The following KCNC4 variants were observed in gnomAD, a reference collection of about 807,000 sequenced individuals.
The protein encoded by KCNC4 is potassium voltage-gated channel subfamily C member 4, also known as voltage-gated potassium channel KCNC4.
KCNC4 carries 23 observed loss-of-function variants against 42.8 expected under a neutral mutation model. The observed-to-expected ratio is 0.54, with a 90% CI of 0.39 to 0.76. The LOEUF is 0.76. Ranked by LOEUF, KCNC4 falls within the 30% of genes least tolerant of loss-of-function variation. The pLI is 0.00. For missense variants in KCNC4, 751 were observed against 898.2 expected, an observed-to-expected ratio of 0.84 and a Z score of 2.10; for synonymous variants, 422 against 393.5, an observed-to-expected ratio of 1.07 and a Z score of -0.86.
chr1:110,219,538 A>G (rs1226131756), intron 1 of KCNC4, among the ~76,000 whole-genome samples: 1 of 152,122 alleles, frequency 6.6e-6, no homozygotes, highest in Non-Finnish European at 1.5e-5. Flanking sequence ...CTGTCAGCAC[A>G]GGGGCCCATG....
intron 1 of KCNC4, among the ~76,000 whole-genome samples, chr1:110,219,229 A>G (rs1657965584): frequency 6.6e-6 from 1 of 152,206 alleles, no homozygotes; most frequent in African/African-American, 2.4e-5. Context: ...TTGGCTCCAG[A>G]TTCGGCTCAC....
chr1:110,250,191 G>A (rs11102070), downstream of KCNC4, among the ~76,000 whole-genome samples: 3,925 of 151,788 alleles, frequency 0.026, 155 homozygotes, highest in African/African-American at 0.087. Context: ...ACCAGGCCTC[G>A]CACACTCATC....
At chr1:110,274,162 A>T (rs1659679821) in intron 1 of KCNC4, among the ~76,000 whole-genome samples, 1 of 152,212 alleles carries the variant, frequency 6.6e-6, no homozygotes, top group Admixed American at 6.5e-5. Context: ...CAAAATCAAC[A>T]TACAAAAATC....
At chr1:110,215,339 G>C (rs963541077) in intron 1 of KCNC4, among the ~76,000 whole-genome samples, 1 of 152,186 alleles carries the variant, frequency 6.6e-6, no homozygotes, top group Admixed American at 6.5e-5. Context: ...AGGTACGAGG[G>C]GCAGGGCAGA....
At chr1:110,254,290 C>T (rs1659295647) in intron 1 of KCNC4, among the ~76,000 whole-genome samples, 1 of 152,216 alleles carries the variant, frequency 6.6e-6, no homozygotes, top group African/African-American at 2.4e-5. Flanking sequence ...CCAGCCCCTT[C>T]TCTCTGCTCT....
intron 1 of KCNC4, 183 bp from the exon 2 acceptor site, chr1:110,222,781 G>A: frequency 1.7e-6 from 1 of 579,668 alleles, no homozygotes; most frequent in Non-Finnish European, 3.1e-6. Context: ...TTGCCCGAGA[G>A]CCCCCAAGCA....
Position 110,223,499 on chromosome 1 carries a change from T to C in KCNC4, c.1214T>C (p.Ile405Thr), listed in dbSNP as rs750297898. The change falls in exon 2 of 4, where the codon ATT (isoleucine) becomes ACT (threonine). Residue 405 changes from isoleucine (I) to threonine (T), a missense_variant. This residue lies in a region of KCNC4 where 185 missense variants were observed against 293.7 expected (regional missense o/e 0.63). Transcript: ENST00000438661. This position sits in a 1 kb window ranked among gnomAD's most constrained non-coding sequence, Gnocchi z 7.5. Reference sequence around the variant, plus strand: ...ACCATGATCTACTACGCTGAGCGCATTGGGGCCAGGCCCTCCGACCCTCGG... The same window carrying C: ...ACCATGATCTACTACGCTGAGCGCACTGGGGCCAGGCCCTCCGACCCTCGG... ...FATMIYYAER[I>T]GARPSDPRGN... 6.8e-6 allele frequency: 11 copies of C among 1,613,780 alleles called. No individual in the cohort carries two copies. The highest frequency in any genetic ancestry group is 2.2e-5 in the South Asian group (2 of 91,092).
chr1:110,232,333 G>A, intron 3 of KCNC4: 1 of 1,608,730 alleles, frequency 6.2e-7, no homozygotes, highest in Admixed American at 1.7e-5. Context: ...GCACGACATG[G>A]CATCATACTC....
intron 1 of KCNC4, among the ~76,000 whole-genome samples, chr1:110,263,424 T>C (rs971082830): frequency 6.6e-6 from 1 of 152,060 alleles, no homozygotes; most frequent in African/African-American, 2.4e-5. Flanking sequence ...TTTCCTAGGG[T>C]TGACATTTCC....
intron 1 of KCNC4, among the ~76,000 whole-genome samples, chr1:110,261,243 T>C (rs996119676): frequency 6.6e-6 from 1 of 152,236 alleles, no homozygotes; most frequent in African/African-American, 2.4e-5. Context: ...AAAAGCCATA[T>C]GCCCTTAGGG....
At chr1:110,217,611 G>A (rs145861313) in intron 1 of KCNC4, among the ~76,000 whole-genome samples, 55 of 152,294 alleles carry the variant, frequency 3.6e-4, no homozygotes, top group African/African-American at 1.1e-3. Context: ...GGACTCATCC[G>A]TTCTGGGCAA....
chr1:110,229,023 CGTTTA>C (rs1227971895), intron 3 of KCNC4: 1 of 152,228 alleles, frequency 6.6e-6, no homozygotes, highest in African/African-American at 2.4e-5. Context: ...AGCCACCAGG[CGTTTA>C]TGTGTGCACA....
At chr1:110,246,583 TCA>T (rs1659150715) in exon 4 of KCNC4, 1 of 152,284 alleles carries the variant, frequency 6.6e-6, no homozygotes, top group African/African-American at 2.4e-5. Flanking sequence ...CTTTTGGGCC[TCA>T]GTCAGTCCCT....
At chr1:110,272,524 G>A (rs2101087182) in intron 1 of KCNC4, 1 of 152,286 alleles carries the variant, frequency 6.6e-6, no homozygotes, top group Non-Finnish European at 1.5e-5. Context: ...TGAAACCAGA[G>A]CTCTTAAGGT....
chr1:110,225,925 A>C, intron 2 of KCNC4, 50 bp from the exon 3 acceptor site: 1 of 1,504,834 alleles, frequency 6.6e-7, no homozygotes, highest in Non-Finnish European at 9.0e-7. Flanking sequence ...ACCCATGAGC[A>C]AGGCTCAGGT....
In KCNC4 at chr1:110,232,259, C is replaced by T. The variant is rs761948155; in HGVS notation, c.1820-652C>T. 2.7e-5 allele frequency: 43 copies of T among 1,613,872 alleles called. No individual in the cohort carries two copies. The highest frequency in any genetic ancestry group is 1.1e-4 in the South Asian group (10 of 91,052). Reference sequence around the variant, plus strand: ...CCGTGACCTTCCCCTTCAGCATTCACCTGAGGCTGCATGCCCTCCAACTGC... The same window carrying T: ...CCGTGACCTTCCCCTTCAGCATTCATCTGAGGCTGCATGCCCTCCAACTGC... On this transcript the variant is annotated intron_variant, in intron 3 of 3. Transcript: ENST00000438661.
chr1:110,240,752 GACC>G (rs1557867928), exon 4 of KCNC4: 6 of 152,396 alleles, frequency 3.9e-5, no homozygotes, highest in Non-Finnish European at 5.9e-5. Context: ...CTACCACGAC[GACC>G]ACCACCACCA....
intron 1 of KCNC4, among the ~76,000 whole-genome samples, chr1:110,263,825 G>T (rs551622995): frequency 9.7e-5 from 7 of 72,250 alleles, no homozygotes; most frequent in South Asian, 4.0e-4. Context: ...TTTCAGTGAG[G>T]GGGGGGAGCT....
At chr1:110,212,274 C>T (rs1657517963) in intron 1 of KCNC4, 97 bp downstream of exon 1, 6 of 1,248,282 alleles carry the variant, frequency 4.8e-6, no homozygotes, top group Non-Finnish European at 6.2e-6. Flanking sequence ...CCGAGCCTGA[C>T]TTACCTTACC....
Sources: gnomAD v4.1 joint callset for allele counts (sites outside exome capture counted in the v4.1 genomes callset) on GRCh38, gnomAD v4.1.1 for gene constraint, gnomAD v4.1.1 regional missense constraint, Gnocchi (gnomAD v3.1) non-coding constraint, MANE v1.5 for transcripts, NCBI Gene and HGNC (gene_info 2026-07-23, HGNC 2026-07-21) for gene names.